The following CLIC6 variants were observed in gnomAD, a reference collection of about 807,000 sequenced individuals.
CLIC6 encodes chloride intracellular channel protein 6.
Under a neutral mutation model 49.2 loss-of-function variants are expected in CLIC6, and 39 were observed. The ratio of observed to expected loss-of-function variants is 0.79; its 90% CI spans 0.61 to 1.04. CLIC6 has a LOEUF of 1.04. Ranked by LOEUF, CLIC6 falls within the 50% of genes least tolerant of loss-of-function variation. The pLI, the probability that CLIC6 is intolerant of heterozygous loss-of-function variation, is 0.00. For missense variants in CLIC6, 988 were observed against 993.1 expected, an observed-to-expected ratio of 0.99 and a Z score of 0.07; for synonymous variants, 446 against 433.4, an observed-to-expected ratio of 1.03 and a Z score of -0.36.
intron 1 of CLIC6, among the ~76,000 whole-genome samples, chr21:34,687,584 A>T (rs1188921612): frequency 6.6e-6 from 1 of 152,218 alleles, no homozygotes; most frequent in Non-Finnish European, 1.5e-5. Flanking sequence ...TACAATGAAC[A>T]CTAACATAAT....
At chr21:34,709,898 G>A (rs1363918731) in intron 5 of CLIC6, among the ~76,000 whole-genome samples, 1 of 152,210 alleles carries the variant, frequency 6.6e-6, no homozygotes, top group Non-Finnish European at 1.5e-5. Flanking sequence ...ATTCAAATGT[G>A]AACGCAGTCT....
In CLIC6 at chr21:34,669,110, G is replaced by A. The variant is rs1989467558; in HGVS notation, c.-279G>A. On this transcript the variant is annotated 5_prime_UTR_variant, in exon 1 of 6. Coordinates refer to ENST00000349499, the MANE Select transcript of CLIC6 (RefSeq NM_053277.3). ...GCGGGCGAGATTGGGGTCCCGGTGGGAAGCAGACGCGCAATCGGGGAGAAG... is the reference window on the plus strand; with the variant it reads ...GCGGGCGAGATTGGGGTCCCGGTGGAAAGCAGACGCGCAATCGGGGAGAAG... 1.3e-5 allele frequency among the ~76,000 whole-genome samples: 2 copies of A among 152,220 alleles called. No individual in the cohort carries two copies. The highest frequency in any genetic ancestry group is 2.4e-5 in the African/African-American group (1 of 41,458).
In CLIC6 at chr21:34,669,464, G is replaced by A; in HGVS notation, c.76G>A (p.Glu26Lys). ...GCCGGAGGTCCCCGCGCCTCTGGCT[G>A]AGAGACCCGGAGAGCCAGGAGCCGC... ...GPPEVPAPLAERPGEPGAAGG... is the reference protein window; with the variant it reads ...GPPEVPAPLAKRPGEPGAAGG... Residue 26 changes from glutamate (E) to lysine (K), a missense_variant, in exon 1 of 6, where the codon GAG becomes AAG. Around this residue, in one of 3 missense-constraint regions of CLIC6, gnomAD observed 284 missense variants for 278.6 expected, o/e 1.02. Coordinates refer to ENST00000349499, the MANE Select transcript of CLIC6 (RefSeq NM_053277.3). 8.1e-7 allele frequency: 1 copy of A among 1,234,276 alleles called. No homozygotes were observed. Among genetic ancestry groups the A allele is most frequent in the Non-Finnish European group, 1.0e-6 (1 of 989,598 alleles). 76.5% of individuals were successfully genotyped at this position (1,234,276 alleles called of 1,614,324 possible).
chr21:34,707,528 C>G, intron 2 of CLIC6, 139 bp downstream of exon 2: 2 of 663,924 alleles, frequency 3.0e-6, no homozygotes, highest in South Asian at 3.7e-5. Flanking sequence ...TGAACTGAAG[C>G]CCACATGTGG....
intron 5 of CLIC6, 92 bp from the exon 6 acceptor site, chr21:34,716,229 T>C (rs1220335592): frequency 2.4e-5 from 25 of 1,051,162 alleles, no homozygotes; most frequent in Non-Finnish European, 3.5e-5. Flanking sequence ...TGGGAAAGAA[T>C]GTATTGCATG....
In CLIC6 at chr21:34,669,491, G is replaced by A; in HGVS notation, c.103G>A (p.Gly35Ser). 8.1e-7 allele frequency: 1 copy of A among 1,235,460 alleles called. No individual in the cohort carries two copies. Among genetic ancestry groups the A allele is most frequent in the Middle Eastern group, 3.1e-4 (1 of 3,242 alleles). 76.5% of individuals were successfully genotyped at this position (1,235,460 alleles called of 1,614,324 possible). A position where few individuals can be genotyped will look rare whatever the true frequency, so the allele number is the denominator to read the frequency against. Reference protein sequence around the residue: ...AERPGEPGAAGGEAEGPEGSE... With the variant: ...AERPGEPGAASGEAEGPEGSE... The stretch of plus-strand genomic sequence containing the variant: ...GAGACCCGGAGAGCCAGGAGCCGCG[G>A]GCGGGGAGGCAGAAGGGCCGGAGGG... The change falls in exon 1 of 6, where the codon GGC becomes AGC. Residue 35 changes from glycine to serine, a missense_variant. Around this residue, in one of 3 missense-constraint regions of CLIC6, gnomAD observed 284 missense variants for 278.6 expected, o/e 1.02. Coordinates refer to ENST00000349499, the MANE Select transcript of CLIC6 (RefSeq NM_053277.3).
At position 34,669,883 on chromosome 21, in the gene CLIC6, G is replaced by T. The variant is rs780166380; in HGVS notation, c.495G>T (p.Pro165=). ...EAGDSVDAEG[P]LGDNIEAEGP... ...GGGACAGCGTAGACGCGGAGGGCCC[G>T]CTGGGGGACAACATAGAAGCGGAGG... Residue 165 remains proline (P), a synonymous_variant, in exon 1 of 6, where the codon CCG becomes CCT. Transcript: ENST00000349499. 9 of 1,328,636 alleles carry T rather than the reference G, an allele frequency of 6.8e-6. No individual in the cohort carries two copies. The highest frequency in any genetic ancestry group is 8.7e-6 in the Non-Finnish European group (9 of 1,037,954). The allele number at this position is 1,328,636 out of a possible 1,614,324, so 82.3% of individuals were successfully genotyped here.
chr21:34,694,330 G>A (rs537435532), intron 1 of CLIC6, among the ~76,000 whole-genome samples: 21 of 151,744 alleles, frequency 1.4e-4, no homozygotes, highest in African/African-American at 4.6e-4. Flanking sequence ...ACAGGGTCTC[G>A]CTCTGTTGCC....
rs1354276561 is a variant in CLIC6, at chr21:34,669,553, C to A, written c.165C>A (p.Ala55=). ...EGAEEAPRGA[A]AVKEAGGGGP... is the part of the protein sequence containing the mutation. ...CAGAGGAGGCGCCGAGGGGCGCCGCCGCTGTGAAGGAGGCAGGAGGCGGCG... is the reference window on the plus strand; with the variant it reads ...CAGAGGAGGCGCCGAGGGGCGCCGCAGCTGTGAAGGAGGCAGGAGGCGGCG... Residue 55 remains alanine, a synonymous_variant, in exon 1 of 6, where the codon GCC becomes GCA. Transcript: ENST00000349499. The A allele has an allele frequency of 1.6e-6, 2 of 1,245,302 alleles. No homozygotes were observed. Among genetic ancestry groups the A allele is most frequent in the Non-Finnish European group, 2.0e-6 (2 of 996,814 alleles). The allele number at this position is 1,245,302 out of a possible 1,614,324, so 77.1% of individuals were successfully genotyped here.
At chr21:34,677,826 C>G (rs1175875008) in intron 1 of CLIC6, among the ~76,000 whole-genome samples, 2 of 152,128 alleles carry the variant, frequency 1.3e-5, no homozygotes, top group Non-Finnish European at 2.9e-5. Context: ...CGTATATATA[C>G]CAGGGGTTAG....
intron 1 of CLIC6, among the ~76,000 whole-genome samples, chr21:34,684,017 T>C (rs967919344): frequency 1.2e-4 from 19 of 152,266 alleles, no homozygotes; most frequent in African/African-American, 4.6e-4. Flanking sequence ...ATCCCTCAAC[T>C]CACTGTTTCT....
rs1326545475 is a variant in CLIC6 at position 34,669,230 on chromosome 21, C to T, written c.-159C>T. ...CGGAGTTTGCCCTGCGGGTCCTGCG[C>T]AAGGCCCCAGTGCCCCGGCTAAACC... is the stretch of plus-strand genomic sequence containing the variant. On this transcript the variant is annotated 5_prime_UTR_variant, in exon 1 of 6. Transcript: ENST00000349499. Among the ~76,000 whole-genome samples the T allele has an allele frequency of 3.3e-5, 5 of 152,314 alleles. No individual in the cohort carries two copies. Among genetic ancestry groups the T allele is most frequent in the Non-Finnish European group, 5.9e-5 (4 of 68,012 alleles).
chr21:34,705,033 G>A (rs1341282175), intron 1 of CLIC6, among the ~76,000 whole-genome samples: 1 of 152,130 alleles, frequency 6.6e-6, no homozygotes, highest in East Asian at 1.9e-4. Context: ...TTATAAGAGG[G>A]TTCCAAAAGT....
rs554373682 is a variant in CLIC6, at chr21:34,691,603, G to C, written c.1375-15677G>C. On this transcript the variant is annotated intron_variant, in intron 1 of 5. Transcript: ENST00000349499. ...AAACTAGCAGGTTGATACAGATGAG[G>C]TTTCTTAAACATGAGGATATAGGGC... Among the ~76,000 whole-genome samples the C allele has an allele frequency of 5.9e-4, 90 of 151,996 alleles. 2 individuals are homozygous for C. The South Asian group carries it at 0.018, about 31-fold the overall frequency.
At chr21:34,701,452 AATG>A (rs974971106) in intron 1 of CLIC6, among the ~76,000 whole-genome samples, 3 of 152,138 alleles carry the variant, frequency 2.0e-5, no homozygotes, top group Non-Finnish European at 4.4e-5. Context: ...TTGGAAGAGT[AATG>A]ATGATGATGT....
chr21:34,708,494 AAACAGC>A (rs1257185580), intron 3 of CLIC6, among the ~76,000 whole-genome samples, 200 bp from the exon 4 acceptor site: 1 of 152,210 alleles, frequency 6.6e-6, no homozygotes, highest in Non-Finnish European at 1.5e-5. Context: ...CACTGCCAGG[AAACAGC>A]AACAATCCAA....
In CLIC6 at chr21:34,717,358, G is replaced by A. The variant is rs907503643; in HGVS notation, c.*876G>A. 2.0e-5 allele frequency: 3 copies of A among 152,248 alleles called. No individual in the cohort carries two copies. The highest frequency in any genetic ancestry group is 2.9e-5 in the Non-Finnish European group (2 of 68,112). The allele number at this position is 152,248 out of a possible 1,614,324, so 9.4% of individuals were successfully genotyped here. ...GTTCCTTCTCCGGGCGGCTCTCTCT[G>A]AGACCCAAGGCTGCAGTCCCTCAGT... On this transcript the variant is annotated 3_prime_UTR_variant, in exon 6 of 6. Transcript: ENST00000349499.
chr21:34,717,608 TTG>T lies in CLIC6; in HGVS notation c.*1133_*1134del, dbSNP rs1294476599. ...CCCTAACCAACCTCTCATCACAGCT[TTG>T]TGTGTGGGCTGAGTGCTGGCCTTAA... is the stretch of plus-strand genomic sequence containing the variant. On this transcript the variant is annotated 3_prime_UTR_variant, in exon 6 of 6. Coordinates refer to ENST00000349499, the MANE Select transcript of CLIC6 (RefSeq NM_053277.3). 6.6e-6 allele frequency: 1 copy of T among 152,102 alleles called. No homozygotes were observed. The highest frequency in any genetic ancestry group is 6.6e-5 in the Admixed American group (1 of 15,254). The allele number at this position is 152,102 out of a possible 1,614,324, so 9.4% of individuals were successfully genotyped here. A position where few individuals can be genotyped will look rare whatever the true frequency, so the allele number is the denominator to read the frequency against.
chr21:34,685,017 T>G lies in CLIC6; in HGVS notation c.1374+14255T>G, dbSNP rs551348294. 2.6e-3 allele frequency among the ~76,000 whole-genome samples: 397 copies of G among 152,262 alleles called. 2 individuals carry two copies. Among genetic ancestry groups the G allele is most frequent in the African/African-American group, 9.3e-3 (388 of 41,538 alleles). On this transcript the variant is annotated intron_variant, in intron 1 of 5. Transcript: ENST00000349499. ...ATAAACCTAGATTTTGCCTTCCAGC[T>G]AGGGAGACTCTCCACTGGAGAGGGT...
Sources: gnomAD v4.1 joint callset for allele counts (sites outside exome capture counted in the v4.1 genomes callset) on GRCh38, gnomAD v4.1.1 for gene constraint, gnomAD v4.1.1 regional missense constraint, MANE v1.5 for transcripts, NCBI Gene and HGNC (gene_info 2026-07-23, HGNC 2026-07-21) for gene names.